Variants in MAJIN observed in about 807,000 individuals in gnomAD.
The protein encoded by MAJIN is membrane-anchored junction protein.
In MAJIN, 27 loss-of-function variants were observed where a neutral mutation model predicts 30.2. That is an observed-to-expected ratio of 0.89 (90% CI 0.66 to 1.23). The LOEUF (loss-of-function observed/expected upper bound fraction) is 1.23. Ranked by LOEUF, MAJIN falls within the 50% of genes most tolerant of loss-of-function variation. The pLI is 0.00. For missense variants in MAJIN, 253 were observed against 260.3 expected (o/e 0.97, Z 0.19); for synonymous variants, 78 against 91.6 (o/e 0.85, Z 0.85).
chr11:64,970,367 T>TC (rs1404300514), intron 1 of MAJIN, among the ~76,000 whole-genome samples: 2 of 126,668 alleles, frequency 1.6e-5, no homozygotes, highest in African/African-American at 6.0e-5. Flanking sequence ...CCGTCTTTTT[T>TC]TTTTTTTTTT....
At chr11:64,964,499 G>A (rs549902657) in intron 1 of MAJIN, among the ~76,000 whole-genome samples, 7 of 152,126 alleles carry the variant, frequency 4.6e-5, no homozygotes, top group African/African-American at 1.7e-4. Flanking sequence ...CATATCACTC[G>A]GTCAGTCATT....
At chr11:64,969,358 A>G (rs1427569608) in intron 1 of MAJIN, among the ~76,000 whole-genome samples, 1 of 152,102 alleles carries the variant, frequency 6.6e-6, no homozygotes, top group Non-Finnish European at 1.5e-5. Context: ...TCATCCAGGA[A>G]GAAATTATAG....
chr11:64,948,619 ATATATATATATATATATATATTTTTTTT>A (rs1485649568), intron 6 of MAJIN, among the ~76,000 whole-genome samples: 1 of 35,098 alleles, frequency 2.8e-5, no homozygotes, highest in Non-Finnish European at 4.3e-5. Context: ...ATATATATAT[ATATATATATATATATATATATTTTTTTT>A]TTTTTTTTTT....
chr11:64,942,327 T>A (rs2136720467), intron 8 of MAJIN, among the ~76,000 whole-genome samples: 1 of 152,208 alleles, frequency 6.6e-6, no homozygotes, highest in East Asian at 1.9e-4. Flanking sequence ...GGTGTCTGGT[T>A]ACATGAATGA....
intron 8 of MAJIN, among the ~76,000 whole-genome samples, chr11:64,944,612 T>C (rs1166982079): frequency 1.3e-5 from 2 of 152,104 alleles, no homozygotes; most frequent in African/African-American, 4.8e-5. Flanking sequence ...TGAGCTGAGA[T>C]TGCACCACTG....
chr11:64,944,988 G>A (rs1042186856), intron 8 of MAJIN, among the ~76,000 whole-genome samples: 2 of 151,974 alleles, frequency 1.3e-5, no homozygotes, highest in Non-Finnish European at 2.9e-5. Context: ...TTCCATCAGG[G>A]GCCAGCCCTT....
At chr11:64,964,455 T>C (rs1945775098) in intron 1 of MAJIN, among the ~76,000 whole-genome samples, 1 of 152,200 alleles carries the variant, frequency 6.6e-6, no homozygotes, top group East Asian at 1.9e-4. Flanking sequence ...CTCAAGATTG[T>C]TGACTTCTTT....
chr11:64,957,985 G>A (rs983318381), intron 3 of MAJIN, among the ~76,000 whole-genome samples: 2 of 149,874 alleles, frequency 1.3e-5, no homozygotes, highest in Admixed American at 6.6e-5. Context: ...ACTGTTGCTT[G>A]GGCTGGAGTG....
chr11:64,959,322 T>A lies in MAJIN; in HGVS notation c.84A>T (p.Arg28Ser). The change falls in exon 3 of 11, where the codon AGA (arginine) becomes AGT (serine). Residue 28 changes from arginine (R) to serine (S), a missense_variant. By Grantham distance (110) the Arg-to-Ser change is moderately radical. Transcript: ENST00000301896. ...GAAATTACCTGATACTCTTCCCATA[T>A]CTGATTTTGAATTTATACACATTGG... is the stretch of plus-strand genomic sequence containing the variant. ...AGPNVYKFKIRYGKSIRGEEI... is the reference protein window; with the variant it reads ...AGPNVYKFKISYGKSIRGEEI... 1 of 1,613,102 alleles carries A rather than the reference T, an allele frequency of 6.2e-7. No individual in the cohort carries two copies. The highest frequency in any genetic ancestry group is 8.5e-7 in the Non-Finnish European group (1 of 1,179,100).
At chr11:64,969,909 G>A (rs944751135) in intron 1 of MAJIN, among the ~76,000 whole-genome samples, 2 of 152,134 alleles carry the variant, frequency 1.3e-5, no homozygotes, top group African/African-American at 4.8e-5. Context: ...GAAAACAGGA[G>A]CCTTGGAAAG....
At chr11:64,950,496 C>A in intron 4 of MAJIN, 66 bp from the exon 5 acceptor site, 1 of 1,361,226 alleles carries the variant, frequency 7.3e-7, no homozygotes, top group Non-Finnish European at 1.0e-6. Flanking sequence ...TTATATTTGT[C>A]ACTGCTACTC....
At chr11:64,958,087 G>A in intron 3 of MAJIN, among the ~76,000 whole-genome samples, 1 of 151,676 alleles carries the variant, frequency 6.6e-6, no homozygotes, top group East Asian at 1.9e-4. Context: ...GATCACAGGT[G>A]CCTGCCACTA....
intron 6 of MAJIN, among the ~76,000 whole-genome samples, chr11:64,949,477 T>G (rs971787037): frequency 3.9e-5 from 6 of 152,222 alleles, no homozygotes; most frequent in African/African-American, 1.4e-4. Context: ...TATTTAATCC[T>G]TTTAACAACT....
intron 4 of MAJIN, among the ~76,000 whole-genome samples, chr11:64,953,465 A>C (rs1209279894): frequency 6.6e-6 from 1 of 152,188 alleles, no homozygotes; most frequent in East Asian, 1.9e-4. Flanking sequence ...TAACTGAAGC[A>C]AAGTGAAATA....
intron 3 of MAJIN, 123 bp from the exon 4 acceptor site, chr11:64,954,925 G>T: frequency 1.2e-6 from 1 of 864,092 alleles, no homozygotes; most frequent in Non-Finnish European, 1.8e-6. Flanking sequence ...GTAAAACTGT[G>T]TAAGCTGACC....
intron 1 of MAJIN, among the ~76,000 whole-genome samples, chr11:64,964,065 T>G (rs1174566212): frequency 6.6e-6 from 1 of 152,134 alleles, no homozygotes; most frequent in Non-Finnish European, 1.5e-5. Flanking sequence ...TGTCTCAGCC[T>G]CCCACGTAGC....
At chr11:64,946,104 CA>C in intron 8 of MAJIN, 1 of 1,535,200 alleles carries the variant, frequency 6.5e-7, no homozygotes, top group African/African-American at 1.4e-5. Context: ...CTGGTTTCCA[CA>C]GGGGGCTTCT....
At chr11:64,968,333 C>T (rs917940936) in intron 1 of MAJIN, among the ~76,000 whole-genome samples, 5 of 152,040 alleles carry the variant, frequency 3.3e-5, no homozygotes, top group African/African-American at 1.2e-4. Context: ...TATAGCGACA[C>T]AATCACAGCT....
At chr11:64,940,474 G>A (rs1189527611) in intron 9 of MAJIN, 100 bp downstream of exon 9, 3 of 1,234,432 alleles carry the variant, frequency 2.4e-6, no homozygotes, top group Non-Finnish European at 3.6e-6. Flanking sequence ...TACCCACTGA[G>A]GGCACCCAGA....
Sources: allele counts gnomAD v4.1 joint callset (sites outside exome capture counted in the v4.1 genomes callset), GRCh38; gene constraint gnomAD v4.1.1; transcripts MANE v1.5; gene names NCBI Gene and HGNC (gene_info 2026-07-23, HGNC 2026-07-21).